The following NAV3 variants were observed in gnomAD, a reference collection of about 807,000 sequenced individuals.
NAV3 encodes the protein pore membrane and/or filament interacting like protein 1.
Under a neutral mutation model 244.7 loss-of-function variants are expected in NAV3, and 87 were observed. The observed-to-expected ratio is 0.36, with a 90% CI of 0.30 to 0.42. The LOEUF (loss-of-function observed/expected upper bound fraction) is 0.42. Among genes scored for constraint, NAV3 ranks in the 20% least tolerant of loss-of-function variants. NAV3 has a pLI of 1.00. For synonymous variants in NAV3, 1,126 were observed against 1,042.2 expected, an observed-to-expected ratio of 1.08 and a Z score of -1.55; for missense variants, 2,663 against 2,893.3, an observed-to-expected ratio of 0.92 and a Z score of 1.83.
In NAV3 at chr12:77,590,975, T is replaced by C. The variant is rs1397743482; in HGVS notation, c.72+18709T>C. ...GTGAAGACTCTTGTATAGTACCTGC[T>C]GTGTAAGAATGGCTCAGGAAATAGA... is the stretch of plus-strand genomic sequence containing the variant. On this transcript the variant is annotated intron_variant, in intron 2 of 8. Transcript: ENST00000550042. 2.6e-5 allele frequency among the ~76,000 whole-genome samples: 4 copies of C among 152,224 alleles called. No homozygotes were observed. In the East Asian group the frequency reaches 7.7e-4, roughly 29 times the overall value.
At chr12:78,204,500 C>A (rs554861403) in intron 38 of NAV3, among the ~76,000 whole-genome samples, 25 of 152,170 alleles carry the variant, frequency 1.6e-4, no homozygotes, top group African/African-American at 4.8e-4. Context: ...AAATAAGTTA[C>A]TTTTATTTTA....
intron 2 of NAV3, among the ~76,000 whole-genome samples, chr12:77,761,019 G>A (rs2369942): frequency 0.52 from 79,039 of 151,976 alleles, 21,502 homozygotes; most frequent in African/African-American, 0.69. Context: ...GAGATTTAAG[G>A]CCATTCAGCA....
At chr12:77,625,428 C>T (rs965862378) in intron 2 of NAV3, among the ~76,000 whole-genome samples, 7 of 151,994 alleles carry the variant, frequency 4.6e-5, no homozygotes, top group African/African-American at 1.7e-4. Context: ...CTGTGAGAAA[C>T]CCCAGGGTGT....
chr12:77,823,708 A>T (rs867907619), intron 2 of NAV3, among the ~76,000 whole-genome samples: 4 of 152,236 alleles, frequency 2.6e-5, no homozygotes, highest in Admixed American at 6.5e-5. Flanking sequence ...AATGTCTACC[A>T]TCTAGTAAAA....
At chr12:78,070,702 C>T (rs551458779) in intron 12 of NAV3, among the ~76,000 whole-genome samples, 3 of 115,110 alleles carry the variant, frequency 2.6e-5, no homozygotes, top group South Asian at 3.6e-4. Flanking sequence ...TCCCTCCTCC[C>T]TCCCCCCACC....
intron 12 of NAV3, among the ~76,000 whole-genome samples, chr12:78,099,509 A>C (rs1374632862): frequency 6.6e-6 from 1 of 151,864 alleles, no homozygotes; most frequent in East Asian, 1.9e-4. Context: ...AGTCTTCCAC[A>C]GTGAGCATAT....
rs541956213 is a variant in NAV3, at chr12:78,144,123, A to G, written c.4684-2246A>G. ...CAATAGATGTTTTTTGATTAACTGTATATTAAAAACTATATTTAACCTGTT... is the reference window on the plus strand; with the variant it reads ...CAATAGATGTTTTTTGATTAACTGTGTATTAAAAACTATATTTAACCTGTT... On this transcript the variant is annotated intron_variant, in intron 20 of 39. Coordinates refer to ENST00000397909, the MANE Select transcript of NAV3 (RefSeq NM_001024383.2). Among the ~76,000 whole-genome samples, 15 of 152,314 alleles carry G rather than the reference A, an allele frequency of 9.8e-5. No homozygotes were observed. The South Asian group carries it at 2.1e-3, about 21-fold the overall frequency.
chr12:78,063,653 C>T (rs550657350), intron 12 of NAV3, among the ~76,000 whole-genome samples: 14 of 152,192 alleles, frequency 9.2e-5, no homozygotes, highest in Admixed American at 8.5e-4. Flanking sequence ...GCCTTAGAAG[C>T]ACCAAAGAGA....
intron 3 of NAV3, among the ~76,000 whole-genome samples, chr12:77,944,231 G>T (rs548346279): frequency 2.6e-5 from 4 of 152,224 alleles, no homozygotes; most frequent in African/African-American, 7.2e-5. Context: ...TAAGGAGTTG[G>T]TATGGTATTC....
At chr12:78,058,935 G>C (rs1883905758) in intron 11 of NAV3, 61 bp from the exon 12 acceptor site, 1 of 1,437,248 alleles carries the variant, frequency 7.0e-7, no homozygotes, top group African/African-American at 1.5e-5. Context: ...TGTTTATTAA[G>C]TTAAATTGTA....
chr12:77,850,403 A>T (rs1877332048), intron 1 of NAV3, among the ~76,000 whole-genome samples: 1 of 152,186 alleles, frequency 6.6e-6, no homozygotes, highest in South Asian at 2.1e-4. Flanking sequence ...AGCCAAGTGC[A>T]TTGTAATTTA....
At chr12:78,143,159 G>A (rs760880246) in intron 20 of NAV3, among the ~76,000 whole-genome samples, 5 of 152,000 alleles carry the variant, frequency 3.3e-5, no homozygotes, top group African/African-American at 4.8e-5. Context: ...AGAAATTATC[G>A]CGTGACATCA....
chr12:77,792,945 G>A (rs1401682499), intron 2 of NAV3, among the ~76,000 whole-genome samples: 2 of 152,084 alleles, frequency 1.3e-5, no homozygotes, highest in Non-Finnish European at 2.9e-5. Context: ...AAGTGTGCTG[G>A]GTCATGGCTA....
At chr12:78,117,400 TTATA>T (rs1232671976) in intron 13 of NAV3, among the ~76,000 whole-genome samples, 1 of 49,352 alleles carries the variant, frequency 2.0e-5, no homozygotes, top group African/African-American at 6.5e-5. Context: ...AAATATATAT[TTATA>T]TATTTAATAT....
At chr12:77,676,454 C>T (rs1206431360) in intron 2 of NAV3, among the ~76,000 whole-genome samples, 1 of 151,948 alleles carries the variant, frequency 6.6e-6, no homozygotes, top group Non-Finnish European at 1.5e-5. Context: ...TGGTTTTTAT[C>T]TTTTATTTTC....
At chr12:77,829,685 C>T (rs185509717), upstream of NAV3, among the ~76,000 whole-genome samples, 3 of 152,262 alleles carry the variant, frequency 2.0e-5, no homozygotes, top group Non-Finnish European at 2.9e-5. Context: ...GTAAAGCCCA[C>T]TTGGGTTACT....
rs745770878 is a variant in NAV3 at position 78,185,672 on chromosome 12, A to G, written c.5764A>G (p.Ile1922Val). 1 of 1,608,342 alleles carries G rather than the reference A, an allele frequency of 6.2e-7. No homozygotes were observed. The highest frequency in any genetic ancestry group is 8.5e-7 in the Non-Finnish European group (1 of 1,177,262). Residue 1922 changes from isoleucine to valine, a missense_variant, in exon 31 of 40, where the codon ATA (isoleucine) becomes GTA (valine). Ile to Val is a conservative substitution (Grantham distance 29). Coordinates refer to ENST00000397909, the MANE Select transcript of NAV3 (RefSeq NM_001024383.2). ...DGRSVKIIVS[I>V]SKGYGRAKDQ... ...CCGCAGTGTGAAAATTATAGTCTCC[A>G]TAAGCAAGGGCTATGGTCGAGCAAA...
At chr12:77,754,384 A>T (rs1869019726) in intron 2 of NAV3, among the ~76,000 whole-genome samples, 1 of 152,116 alleles carries the variant, frequency 6.6e-6, no homozygotes, top group South Asian at 2.1e-4. Flanking sequence ...AGTCCCCTTC[A>T]AGCTACACTC....
At chr12:78,085,983 C>G (rs1464595092) in intron 12 of NAV3, among the ~76,000 whole-genome samples, 3 of 152,044 alleles carry the variant, frequency 2.0e-5, no homozygotes. Context: ...AAAGTACAAG[C>G]TCAGGAATGC....
Sources: gnomAD v4.1 joint callset for allele counts (sites outside exome capture counted in the v4.1 genomes callset) on GRCh38, gnomAD v4.1.1 for gene constraint, MANE v1.5 for transcripts, NCBI Gene and HGNC (gene_info 2026-07-23, HGNC 2026-07-21) for gene names.